Variants in PRDM11 observed in about 807,000 individuals in gnomAD.
The protein encoded by PRDM11 is PR/SET domain 11, also known as PR domain-containing protein 11.
Under a neutral mutation model 97.8 loss-of-function variants are expected in PRDM11, and 20 were observed. The ratio of observed to expected loss-of-function variants is 0.20; its 90% CI spans 0.14 to 0.30. PRDM11 has a LOEUF of 0.30. Among genes scored for constraint, PRDM11 ranks in the 10% least tolerant of loss-of-function variants. The pLI, the probability that PRDM11 is intolerant of heterozygous loss-of-function variation, is 1.00. For synonymous variants in PRDM11, 599 were observed against 637.7 expected, an observed-to-expected ratio of 0.94 and a Z score of 0.91; for missense variants, 1,139 against 1,555.2, an observed-to-expected ratio of 0.73 and a Z score of 4.50.
intron 1 of PRDM11, among the ~76,000 whole-genome samples, chr11:45,110,682 G>A (rs778819771): frequency 5.3e-5 from 8 of 152,176 alleles, no homozygotes; most frequent in Non-Finnish European, 1.0e-4. Flanking sequence ...GAATTGCAAG[G>A]CCTCGCTTGC....
intron 1 of PRDM11, among the ~76,000 whole-genome samples, chr11:45,175,509 G>A (rs2863159): frequency 0.68 from 104,079 of 152,158 alleles, 38,999 homozygotes; most frequent in Non-Finnish European, 0.84. Flanking sequence ...ATTGCTGTCT[G>A]TTATTTCATT....
At position 45,131,837 on chromosome 11, in the gene PRDM11, C is replaced by T. The variant is rs554632189; in HGVS notation, c.96+35936C>T. Reference sequence around the variant, plus strand: ...ATTATTATCTCAAATAACAGGAGTCCAAAGATAGGGCAATTTCAGGGTTGG... The same window carrying T: ...ATTATTATCTCAAATAACAGGAGTCTAAAGATAGGGCAATTTCAGGGTTGG... On this transcript the variant is annotated intron_variant, in intron 1 of 6. Transcript: ENST00000530656. Among the ~76,000 whole-genome samples the T allele has an allele frequency of 7.2e-5, 11 of 152,206 alleles. No homozygotes were observed. In the South Asian group the frequency reaches 2.3e-3, roughly 32 times the overall value.
intron 1 of PRDM11, among the ~76,000 whole-genome samples, chr11:45,137,413 AC>A (rs1237474769): frequency 2.0e-5 from 1 of 50,546 alleles, no homozygotes; most frequent in Non-Finnish European, 5.4e-5. Flanking sequence ...AGCCTGAGTG[AC>A]AAGAGACTCC....
chr11:45,137,118 G>A (rs981017409), intron 1 of PRDM11, among the ~76,000 whole-genome samples: 6 of 151,234 alleles, frequency 4.0e-5, no homozygotes, highest in East Asian at 3.9e-4. Context: ...AGCTGAGATC[G>A]CACCACTGCA....
At chr11:45,213,155 G>A (rs1853828016) in intron 5 of PRDM11, 1 of 456,582 alleles carries the variant, frequency 2.2e-6, no homozygotes, top group African/African-American at 2.0e-5. Context: ...GTAGGACACT[G>A]GGGGCGCTGT....
chr11:45,119,522 C>T (rs1367009421), intron 1 of PRDM11, among the ~76,000 whole-genome samples: 8 of 140,674 alleles, frequency 5.7e-5, no homozygotes, highest in Admixed American at 5.3e-4. Flanking sequence ...CCCAGCTACG[C>T]GGGAGGCTGA....
intron 1 of PRDM11, among the ~76,000 whole-genome samples, chr11:45,171,826 G>A (rs977406343): frequency 7.2e-5 from 11 of 152,210 alleles, no homozygotes; most frequent in Non-Finnish European, 1.6e-4. Context: ...CACCTCAACC[G>A]TGTCAGTTAC....
At chr11:45,104,676 G>A (rs116888539) in intron 1 of PRDM11, among the ~76,000 whole-genome samples, 2,077 of 152,298 alleles carry the variant, frequency 0.014, 25 homozygotes, top group Middle Eastern at 0.021. Flanking sequence ...AAGGTTTTGG[G>A]GGGAGGTGGC....
At chr11:45,142,245 A>T (rs2135668268), upstream of PRDM11, among the ~76,000 whole-genome samples, 1 of 152,290 alleles carries the variant, frequency 6.6e-6, no homozygotes, top group Middle Eastern at 3.4e-3. Context: ...CAGAGATCCC[A>T]CCCACTTCTC....
At chr11:45,116,780 T>C (rs1852312255) in intron 1 of PRDM11, among the ~76,000 whole-genome samples, 1 of 152,158 alleles carries the variant, frequency 6.6e-6, no homozygotes, top group Non-Finnish European at 1.5e-5. Context: ...CTTGGACAAA[T>C]GGCTGATTCT....
intron 7 of PRDM11, 143 bp downstream of exon 7, chr11:45,224,986 A>G: frequency 3.3e-6 from 5 of 1,504,790 alleles, no homozygotes; most frequent in Non-Finnish European, 3.5e-6. Flanking sequence ...CGTGGGTGGG[A>G]GCCCAGGTCC....
rs530515043 is a variant in PRDM11, at chr11:45,171,390, G to A, written c.-6-10371G>A. Among the ~76,000 whole-genome samples the A allele has an allele frequency of 5.3e-5, 8 of 152,234 alleles. 1 individual carries two copies. The Middle Eastern group carries it at 0.01, about 194-fold the overall frequency. Reference sequence around the variant, plus strand: ...GCTGGGATTACAGGCCTCAGCCACCGTGCCCAGCCGGTTATGTGGATTTTT... The same window carrying A: ...GCTGGGATTACAGGCCTCAGCCACCATGCCCAGCCGGTTATGTGGATTTTT... On this transcript the variant is annotated intron_variant, in intron 1 of 7. Coordinates refer to ENST00000683152, the MANE Select transcript of PRDM11 (RefSeq NM_001384648.1).
intron 1 of PRDM11, among the ~76,000 whole-genome samples, chr11:45,134,040 C>G (rs888518519): frequency 3.3e-5 from 5 of 152,204 alleles, no homozygotes; most frequent in African/African-American, 1.2e-4. Context: ...CATCTCTATA[C>G]ACCCCCAGAG....
intron 5 of PRDM11, chr11:45,214,026 T>C: frequency 6.4e-6 from 2 of 311,736 alleles, no homozygotes; most frequent in Non-Finnish European, 1.3e-5. Context: ...CTGCCCTGGC[T>C]CTATGGCTCA....
chr11:45,220,115 A>G (rs1854077592), intron 6 of PRDM11, among the ~76,000 whole-genome samples: 1 of 152,232 alleles, frequency 6.6e-6, no homozygotes, highest in Admixed American at 6.5e-5. Flanking sequence ...AATGATCGTA[A>G]TAATAGGTAA....
rs752908161 is a variant in PRDM11, at chr11:45,226,545, C to T, written c.1920C>T (p.Ile640=). The change falls in exon 8 of 8, where the codon ATC becomes ATT. Residue 640 remains isoleucine (I), a synonymous_variant. Coordinates refer to ENST00000683152, the MANE Select transcript of PRDM11 (RefSeq NM_001384648.1). ...ACTGCCAGATCCTCATCCATCACAT[C>T]GCCCGGGCCCTGCGGGAAGACCTGG... ...EGDCQILIHH[I]ARALREDLVE... The T allele has an allele frequency of 1.1e-4, 171 of 1,533,840 alleles. 1 individual carries two copies. Among genetic ancestry groups the T allele is most frequent in the Non-Finnish European group, 1.3e-4 (150 of 1,146,744 alleles).
At chr11:45,142,341 C>A (rs189794644), upstream of PRDM11, among the ~76,000 whole-genome samples, 44 of 152,318 alleles carry the variant, frequency 2.9e-4, no homozygotes, top group African/African-American at 9.9e-4. Context: ...CCAATTCCAT[C>A]CTGCTCAGGG....
chr11:45,124,353 G>C (rs1294918101), intron 1 of PRDM11, among the ~76,000 whole-genome samples: 1 of 151,982 alleles, frequency 6.6e-6, no homozygotes, highest in Non-Finnish European at 1.5e-5. Context: ...CTGCCTAATT[G>C]ACCTGGCCAG....
Position 45,148,341 on chromosome 11 carries a change from C to G in PRDM11, c.-7+1464C>G, listed in dbSNP as rs146590162. 3.7e-3 allele frequency among the ~76,000 whole-genome samples: 563 copies of G among 152,258 alleles called. 3 individuals carry two copies. The highest frequency in any genetic ancestry group is 0.013 in the African/African-American group (554 of 41,544). On this transcript the variant is annotated intron_variant, in intron 1 of 7. Coordinates refer to ENST00000683152, the MANE Select transcript of PRDM11 (RefSeq NM_001384648.1). Reference sequence around the variant, plus strand: ...ATCCCTGAGTCCAACAAAACCTGCCCGGCAAGGAAGTTGTGAAATTAAATG... The same window carrying G: ...ATCCCTGAGTCCAACAAAACCTGCCGGGCAAGGAAGTTGTGAAATTAAATG...
Sources: gnomAD v4.1 joint callset for allele counts (sites outside exome capture counted in the v4.1 genomes callset) on GRCh38, gnomAD v4.1.1 for gene constraint, MANE v1.5 for transcripts, NCBI Gene and HGNC (gene_info 2026-07-23, HGNC 2026-07-21) for gene names.